The following RASGRF2 variants were observed in gnomAD, a reference collection of about 807,000 sequenced individuals.
RASGRF2 encodes the protein ras-specific guanine nucleotide-releasing factor 2.
RASGRF2 carries 76 observed loss-of-function variants against 151.0 expected under a neutral mutation model. That is an observed-to-expected ratio of 0.50 (90% confidence interval 0.42 to 0.61). The LOEUF (loss-of-function observed/expected upper bound fraction) is 0.61. RASGRF2 is among the 20% of genes least tolerant of loss of function. RASGRF2 has a pLI of 0.00. For missense variants in RASGRF2, 1,148 were observed against 1,564.6 expected (o/e 0.73, Z 4.49); for synonymous variants, 504 against 566.5 (o/e 0.89, Z 1.57).
rs7724026 is a variant in RASGRF2 at position 80,984,697 on chromosome 5, G to A, written c.288+23671G>A. Among the ~76,000 whole-genome samples the A allele has an allele frequency of 8.0e-3, 1,222 of 152,258 alleles. 13 individuals carry two copies. The highest frequency in any genetic ancestry group is 0.028 in the African/African-American group (1,166 of 41,550). ...GACCTAAGGAAACACTTGTATTAAT[G>A]TGCCAAGGTGTGTGTATAATAAGTA... On this transcript the variant is annotated intron_variant, in intron 1 of 26. Transcript: ENST00000265080.
chr5:81,018,038 G>A (rs1478624520), intron 1 of RASGRF2, among the ~76,000 whole-genome samples: 1 of 152,084 alleles, frequency 6.6e-6, no homozygotes, highest in Non-Finnish European at 1.5e-5. Flanking sequence ...GAACCTGGGA[G>A]GCAGCAGTTG....
intron 21 of RASGRF2, among the ~76,000 whole-genome samples, chr5:81,207,761 A>G (rs1230895182): frequency 1.3e-5 from 2 of 152,212 alleles, no homozygotes; most frequent in Non-Finnish European, 2.9e-5. Flanking sequence ...TGCCCCGCTG[A>G]ACTGCCTGGT....
intron 9 of RASGRF2, 163 bp downstream of exon 9, chr5:81,087,116 GT>G (rs1233503222): frequency 1.4e-6 from 1 of 731,956 alleles, no homozygotes; most frequent in Non-Finnish European, 2.5e-6. Flanking sequence ...CCTTTGTGCT[GT>G]TTCTTTTCAG....
intron 18 of RASGRF2, 49 bp downstream of exon 18, chr5:81,180,330 A>G: frequency 8.4e-7 from 1 of 1,194,140 alleles, no homozygotes; most frequent in Admixed American, 1.7e-5. Flanking sequence ...TTAAAAAATC[A>G]TCTTTTTAAG....
intron 9 of RASGRF2, among the ~76,000 whole-genome samples, chr5:81,092,224 T>G (rs1192903410): frequency 4.6e-5 from 7 of 152,172 alleles, no homozygotes; most frequent in African/African-American, 1.7e-4. Flanking sequence ...TCTCACATAA[T>G]TTAAATGTAA....
chr5:80,981,897 T>C (rs375111540), intron 1 of RASGRF2, among the ~76,000 whole-genome samples: 2 of 152,164 alleles, frequency 1.3e-5, no homozygotes, highest in East Asian at 1.9e-4. Flanking sequence ...AAGCAAAGCA[T>C]CTAGTTTCAA....
chr5:81,225,753 C>A lies in RASGRF2; in HGVS notation c.3697C>A (p.Pro1233Thr). 1 of 1,612,032 alleles carries A rather than the reference C, an allele frequency of 6.2e-7. No individual in the cohort carries two copies. The highest frequency in any genetic ancestry group is 8.5e-7 in the Non-Finnish European group (1 of 1,179,548). The change falls in exon 27 of 27, where the codon CCT becomes ACT. Residue 1233 changes from proline to threonine, a missense_variant. By Grantham distance (38) the Pro-to-Thr change is conservative. Transcript: ENST00000265080. ...ATATGAGCTGTCACTAAAAATTGAACCTCGACTCCCTGCTTGAAGATCTGG... is the reference window on the plus strand; with the variant it reads ...ATATGAGCTGTCACTAAAAATTGAAACTCGACTCCCTGCTTGAAGATCTGG... ...TLYELSLKIEPRLPA is the reference protein window; with the variant it reads ...TLYELSLKIETRLPA
intron 1 of RASGRF2, among the ~76,000 whole-genome samples, chr5:81,016,614 A>T (rs1749644463): frequency 6.6e-6 from 1 of 152,200 alleles, no homozygotes; most frequent in African/African-American, 2.4e-5. Context: ...GCTGGATTCT[A>T]AGTGGAATTC....
chr5:81,169,186 C>A (rs1284789219), intron 17 of RASGRF2, among the ~76,000 whole-genome samples: 4 of 152,188 alleles, frequency 2.6e-5, no homozygotes, highest in Non-Finnish European at 5.9e-5. Flanking sequence ...CCTGCCCTTG[C>A]CCCATCTCAG....
At chr5:81,085,398 G>T (rs1248673358) in intron 7 of RASGRF2, among the ~76,000 whole-genome samples, 1 of 152,156 alleles carries the variant, frequency 6.6e-6, no homozygotes, top group Non-Finnish European at 1.5e-5. Flanking sequence ...AGTGCAGTGG[G>T]ATTGTTGATT....
At chr5:80,991,943 C>T (rs1748664484) in intron 1 of RASGRF2, among the ~76,000 whole-genome samples, 1 of 152,068 alleles carries the variant, frequency 6.6e-6, no homozygotes, top group South Asian at 2.1e-4. Flanking sequence ...AGGGAGACTG[C>T]ATGGACAAGG....
chr5:81,221,632 C>A (rs1755858724), intron 26 of RASGRF2, among the ~76,000 whole-genome samples: 1 of 152,170 alleles, frequency 6.6e-6, no homozygotes, highest in Admixed American at 6.5e-5. Flanking sequence ...AAGAGAATCA[C>A]TTGAGCCCAG....
At position 81,217,370 on chromosome 5, in the gene RASGRF2, C is replaced by G. The variant is rs766604008; in HGVS notation, c.3449C>G (p.Ala1150Gly). The change falls in exon 25 of 27, where the codon GCA becomes GGA. Residue 1150 changes from alanine to glycine, a missense_variant. By Grantham distance (60) the Ala-to-Gly change is moderately conservative. Transcript: ENST00000265080. The part of the protein sequence containing the change: ...RETLKNCNPP[A>G]VPYLGMYLTD... Reference sequence around the variant, plus strand: ...TGGTCTTGCAGTTGTAACCCTCCTGCAGTTCCTTATCTTGGGATGTACTTG... The same window carrying G: ...TGGTCTTGCAGTTGTAACCCTCCTGGAGTTCCTTATCTTGGGATGTACTTG... 6.2e-7 allele frequency: 1 copy of G among 1,610,438 alleles called. No homozygotes were observed. The highest frequency in any genetic ancestry group is 8.5e-7 in the Non-Finnish European group (1 of 1,178,960).
chr5:81,202,540 C>T (rs191626097), intron 19 of RASGRF2, among the ~76,000 whole-genome samples: 78 of 152,308 alleles, frequency 5.1e-4, no homozygotes, highest in African/African-American at 1.8e-3. Flanking sequence ...ATAGCCAGAC[C>T]GTTCTTTGGT....
intron 1 of RASGRF2, among the ~76,000 whole-genome samples, chr5:81,039,390 G>A (rs1750610432): frequency 6.6e-6 from 1 of 152,072 alleles, no homozygotes; most frequent in Non-Finnish European, 1.5e-5. Flanking sequence ...GATGCCAAAT[G>A]TATAATTTGG....
intron 17 of RASGRF2, among the ~76,000 whole-genome samples, chr5:81,137,667 C>G (rs1251639003): frequency 6.6e-6 from 1 of 152,180 alleles, no homozygotes; most frequent in African/African-American, 2.4e-5. Flanking sequence ...TAAGGCGTGA[C>G]CACGTGAAGA....
rs370441681 is a variant in RASGRF2 at position 80,982,749 on chromosome 5, T to C, written c.288+21723T>C. Among the ~76,000 whole-genome samples, 363 of 152,010 alleles carry C rather than the reference T, an allele frequency of 2.4e-3. 1 individual carries two copies. Among genetic ancestry groups the C allele is most frequent in the East Asian group, 0.02 (103 of 5,160 alleles). On this transcript the variant is annotated intron_variant, in intron 1 of 26. Transcript: ENST00000265080. The stretch of plus-strand genomic sequence containing the variant: ...CCGAGTAGCTGGGACTACAAGTGCC[T>C]GCCACCACCCCCGGCTCATTTTTTG...
At chr5:81,187,737 T>C (rs1460488251) in intron 18 of RASGRF2, among the ~76,000 whole-genome samples, 1 of 152,208 alleles carries the variant, frequency 6.6e-6, no homozygotes. Context: ...GACGGTGTGA[T>C]GGCCTCTACT....
chr5:81,032,942 A>G (rs1030322938), intron 1 of RASGRF2, among the ~76,000 whole-genome samples: 103 of 152,366 alleles, frequency 6.8e-4, no homozygotes, highest in African/African-American at 2.4e-3. Flanking sequence ...AAGCAACATC[A>G]GCAAAGTCTC....
Sources: gnomAD v4.1 joint callset for allele counts (sites outside exome capture counted in the v4.1 genomes callset) on GRCh38, gnomAD v4.1.1 for gene constraint, MANE v1.5 for transcripts, NCBI Gene and HGNC (gene_info 2026-07-23, HGNC 2026-07-21) for gene names.